The following DOCK11 variants were observed in gnomAD, a reference collection of about 807,000 sequenced individuals.
DOCK11 encodes dedicator of cytokinesis 11, also known as dedicator of cytokinesis protein 11.
In DOCK11, 70 loss-of-function variants were observed where a neutral mutation model predicts 169.1. The ratio of observed to expected loss-of-function variants is 0.41; its 90% CI spans 0.34 to 0.51. The LOEUF is 0.51. Among genes scored for constraint, DOCK11 ranks in the 20% least tolerant of loss-of-function variants. The pLI, the probability that DOCK11 is intolerant of heterozygous loss-of-function variation, is 0.10. For missense variants in DOCK11, 1,166 were observed against 1,538.8 expected (o/e 0.76, Z 4.05); for synonymous variants, 529 against 541.3 (o/e 0.98, Z 0.32).
rs1376727842 is a variant in DOCK11, at chrX:118,632,112, G to A, written c.3886+1622G>A. Reference sequence around the variant, plus strand: ...TGGGACTACAGGCGCCCGCCACCACGCCCGGCTAATTTGTTTATTTTTAGT... The same window carrying A: ...TGGGACTACAGGCGCCCGCCACCACACCCGGCTAATTTGTTTATTTTTAGT... On this transcript the variant is annotated intron_variant, in intron 35 of 52. Transcript: ENST00000276202. 4.5e-5 allele frequency among the ~76,000 whole-genome samples: 5 copies of A among 110,385 alleles called. No individual in the cohort carries two copies. The East Asian group carries it at 8.5e-4, about 19-fold the overall frequency.
At chrX:118,606,081 A>ATTTTTTTTT (rs952643747) in intron 24 of DOCK11, among the ~76,000 whole-genome samples, 2 of 71,096 alleles carry the variant, frequency 2.8e-5, no homozygotes, top group Non-Finnish European at 2.5e-5. Context: ...GAGGAACAGA[A>ATTTTTTTTT]TTTTTTTTTT....
chrX:118,573,703 C>G (rs765530697), intron 11 of DOCK11, 103 bp from the exon 12 acceptor site: 9 of 618,273 alleles, frequency 1.5e-5, no homozygotes, highest in Non-Finnish European at 2.3e-5. Context: ...GAATTGTAAT[C>G]ACAGAAACTG....
chrX:118,564,751 C>CCCTT lies in DOCK11; in HGVS notation c.694-1240_694-1237dup, dbSNP rs377633444. ...TCTCTCTTTCGTTCTTTCCTTCTTTCCCTTCCTTCCTTCCTTCTTTCTTTC... is the reference window on the plus strand; with the variant it reads ...TCTCTCTTTCGTTCTTTCCTTCTTTCCCTTCCTTCCTTCCTTCCTTCTTTCTTTC... On this transcript the variant is annotated intron_variant, in intron 7 of 52. Coordinates refer to ENST00000276202, the MANE Select transcript of DOCK11 (RefSeq NM_144658.4). Among the ~76,000 whole-genome samples, 4 of 101,511 alleles carry CCCTT rather than the reference C, an allele frequency of 3.9e-5. No homozygotes were observed. The East Asian group carries it at 1.2e-3, about 31-fold the overall frequency. The allele number at this position is 101,511 out of a possible 115,157, so 88.2% of individuals were successfully genotyped here.
intron 45 of DOCK11, among the ~76,000 whole-genome samples, chrX:118,667,782 T>C (rs1453645426): frequency 1.8e-5 from 2 of 112,005 alleles, no homozygotes; most frequent in East Asian, 5.6e-4. Context: ...TCTCAATCAA[T>C]GGACATTTAT....
At chrX:118,673,023 A>G (rs746295021) in intron 46 of DOCK11, among the ~76,000 whole-genome samples, 2 of 111,674 alleles carry the variant, frequency 1.8e-5, no homozygotes, top group South Asian at 3.7e-4. Flanking sequence ...AGACAAAACC[A>G]GATTTGCCAT....
intron 1 of DOCK11, among the ~76,000 whole-genome samples, chrX:118,532,822 A>AGTGG (rs900061316): frequency 2.1e-4 from 22 of 107,268 alleles, no homozygotes; most frequent in Non-Finnish European, 3.5e-4. Context: ...TTTAGTCACG[A>AGTGG]GTGGGATACA....
At chrX:118,683,886 A>G (rs1327644644) in intron 52 of DOCK11, among the ~76,000 whole-genome samples, 1 of 112,224 alleles carries the variant, frequency 8.9e-6, no homozygotes, top group Non-Finnish European at 1.9e-5. Context: ...CCAATAATTT[A>G]GACTCTTAAT....
chrX:118,572,615 T>C, intron 11 of DOCK11, 152 bp downstream of exon 11: 1 of 394,601 alleles, frequency 2.5e-6, no homozygotes, highest in East Asian at 4.6e-5. Context: ...GAAAGTTTTA[T>C]ATATATAAAA....
chrX:118,590,747 AG>A (rs1389413428), intron 19 of DOCK11, among the ~76,000 whole-genome samples: 1 of 112,236 alleles, frequency 8.9e-6, no homozygotes, highest in East Asian at 2.8e-4. Context: ...ATACTAGGAA[AG>A]ACAGGGATAC....
At chrX:118,651,163 G>A in intron 41 of DOCK11, among the ~76,000 whole-genome samples, 1 of 112,249 alleles carries the variant, frequency 8.9e-6, no homozygotes, top group Non-Finnish European at 1.9e-5. Context: ...ATCAAAGACA[G>A]TGGTTCATGC....
At chrX:118,593,188 C>A in intron 19 of DOCK11, 26 bp from the exon 20 acceptor site, 1 of 1,180,810 alleles carries the variant, frequency 8.5e-7, no homozygotes. Flanking sequence ...AACGAAGTTC[C>A]ATGTGTAATT....
intron 20 of DOCK11, 147 bp from the exon 21 acceptor site, chrX:118,597,284 C>T: frequency 1.5e-6 from 1 of 685,846 alleles, no homozygotes; most frequent in Non-Finnish European, 2.2e-6. Context: ...TTGTTCCTTC[C>T]CCAGTACTCA....
intron 1 of DOCK11, among the ~76,000 whole-genome samples, chrX:118,504,174 T>A (rs970842214): frequency 1.8e-5 from 2 of 109,763 alleles, no homozygotes; most frequent in Non-Finnish European, 3.8e-5. Context: ...TCTCTTAAGA[T>A]CCTTAACGTT....
At chrX:118,674,255 A>G (rs1473193884) in intron 46 of DOCK11, among the ~76,000 whole-genome samples, 6 of 110,852 alleles carry the variant, frequency 5.4e-5, no homozygotes, top group African/African-American at 9.8e-5. Context: ...GGTTCAAGCA[A>G]TCCTCACACC....
intron 1 of DOCK11, among the ~76,000 whole-genome samples, chrX:118,541,397 G>A (rs2011996515): frequency 9.0e-6 from 1 of 111,666 alleles, no homozygotes; most frequent in Non-Finnish European, 1.9e-5. Context: ...CTTATGGCAT[G>A]CACACCTGTG....
intron 16 of DOCK11, 24 bp downstream of exon 16, chrX:118,585,141 C>T: frequency 8.8e-7 from 1 of 1,131,142 alleles, no homozygotes; most frequent in Admixed American, 2.2e-5. Context: ...GCAAATAAAC[C>T]TTAAGCATAA....
At chrX:118,628,613 AG>A (rs777154411) in intron 34 of DOCK11, among the ~76,000 whole-genome samples, 2 of 112,526 alleles carry the variant, frequency 1.8e-5, no homozygotes, top group East Asian at 2.8e-4. Flanking sequence ...GGATTAATGC[AG>A]TCTTTCATTC....
intron 1 of DOCK11, among the ~76,000 whole-genome samples, chrX:118,506,329 T>A (rs768570460): frequency 1.1e-4 from 12 of 111,492 alleles, no homozygotes; most frequent in Non-Finnish European, 1.3e-4. Context: ...AATCCTCACA[T>A]TTAATAGTCA....
intron 16 of DOCK11, 85 bp from the exon 17 acceptor site, chrX:118,588,052 A>G (rs1291378717): frequency 2.4e-6 from 2 of 819,046 alleles, no homozygotes; most frequent in Non-Finnish European, 1.7e-6. Context: ...TGAGAATGCA[A>G]TTCATGTATA....
Sources: gnomAD v4.1 joint callset for allele counts (sites outside exome capture counted in the v4.1 genomes callset) on GRCh38, gnomAD v4.1.1 for gene constraint, MANE v1.5 for transcripts, NCBI Gene and HGNC (gene_info 2026-07-23, HGNC 2026-07-21) for gene names.